Variants in TMEM91 observed in about 807,000 individuals in gnomAD.
TMEM91 encodes the protein dispanin subfamily C member 3.
In TMEM91, 6 loss-of-function variants were observed where a neutral mutation model predicts 13.3. The observed-to-expected ratio is 0.45, with a 90% CI of 0.25 to 0.89. The LOEUF (loss-of-function observed/expected upper bound fraction) is 0.89, where lower values mean the gene tolerates loss of function less well. TMEM91 is among the 40% of genes least tolerant of loss of function. The pLI is 0.19. For missense variants in TMEM91, 193 were observed against 228.7 expected (o/e 0.84, Z 1.01); for synonymous variants, 87 against 101.7 (o/e 0.86, Z 0.87).
chr19:41,378,338 A>T lies in TMEM91; in HGVS notation c.29A>T (p.Gln10Leu), dbSNP rs1159272133. 1 of 1,614,154 alleles carries T rather than the reference A, an allele frequency of 6.2e-7. No individual in the cohort carries two copies. The highest frequency in any genetic ancestry group is 8.5e-7 in the Non-Finnish European group (1 of 1,180,004). ...GACAGCCCTAGTCTTCGTGAGCTTC[A>T]ACAGCCTCTGCTGGAGGGCACAGAA... MDSPSLREL[Q>L]QPLLEGTECE... Residue 10 changes from glutamine (Q) to leucine (L), a missense_variant, in exon 2 of 4, where the codon CAA (glutamine) becomes CTA (leucine). Transcript: ENST00000392002.
At chr19:41,363,972 C>T (rs2038463985), upstream of TMEM91, 1 of 261,930 alleles carries the variant, frequency 3.8e-6, no homozygotes, top group Admixed American at 5.0e-5. Flanking sequence ...GCGCACTTAA[C>T]GGTTAGGAGA....
At chr19:41,383,364 T>C (rs991177696) in intron 3 of TMEM91, 7 of 607,352 alleles carry the variant, frequency 1.2e-5, no homozygotes, top group African/African-American at 1.9e-5. Flanking sequence ...CTCTGCAAGA[T>C]TTTGGGCAAG....
At chr19:41,373,899 A>G (rs2038663895), upstream of TMEM91, 1 of 151,618 alleles carries the variant, frequency 6.6e-6, no homozygotes, top group Non-Finnish European at 1.5e-5. Context: ...GCTGGTTTCG[A>G]ACTCCTAGGC....
chr19:41,367,345 C>T (rs748938172), intron 1 of TMEM91, among the ~76,000 whole-genome samples: 7 of 151,526 alleles, frequency 4.6e-5, no homozygotes, highest in Non-Finnish European at 1.0e-4. Flanking sequence ...TAAGATCTTG[C>T]TCTGGGGCTG....
intron 1 of TMEM91, among the ~76,000 whole-genome samples, chr19:41,369,638 C>G (rs750990865): frequency 7.2e-5 from 11 of 151,988 alleles, no homozygotes; most frequent in Non-Finnish European, 2.9e-5. Context: ...AACCCCATCC[C>G]TCCTAAAACT....
At chr19:41,369,545 C>T (rs2038581558) in intron 1 of TMEM91, among the ~76,000 whole-genome samples, 1 of 150,548 alleles carries the variant, frequency 6.6e-6, no homozygotes, top group Admixed American at 6.6e-5. Flanking sequence ...TGGCTCATGC[C>T]TGGATTCCCA....
At chr19:41,375,479 C>T (rs1315938325), upstream of TMEM91, among the ~76,000 whole-genome samples, 3 of 150,888 alleles carry the variant, frequency 2.0e-5, no homozygotes, top group African/African-American at 4.9e-5. Context: ...AGGGTTTCAC[C>T]GTGTCAGCCA....
At position 41,384,080 on chromosome 19, in the gene TMEM91, C is replaced by A; in HGVS notation, c.*207C>A. The A allele has an allele frequency of 2.2e-6, 2 of 925,280 alleles. No homozygotes were observed. Among genetic ancestry groups the A allele is most frequent in the Non-Finnish European group, 1.5e-6 (1 of 655,918 alleles). The allele number at this position is 925,280 out of a possible 1,614,324, so 57.3% of individuals were successfully genotyped here. A position where few individuals can be genotyped will look rare whatever the true frequency, so the allele number is the denominator to read the frequency against. On this transcript the variant is annotated 3_prime_UTR_variant, in exon 4 of 4. Coordinates refer to ENST00000392002, the MANE Select transcript of TMEM91 (RefSeq NM_001098821.2). Reference sequence around the variant, plus strand: ...ATTAAACACCAGACACCCTTGCAGCCAAACCAGAGTCTGTTCGCGTGTGTG... The same window carrying A: ...ATTAAACACCAGACACCCTTGCAGCAAAACCAGAGTCTGTTCGCGTGTGTG...
At chr19:41,378,177 C>CACT in intron 1 of TMEM91, 104 bp from the exon 2 acceptor site, 1 of 817,760 alleles carries the variant, frequency 1.2e-6, no homozygotes, top group Admixed American at 2.5e-5. Context: ...GTCTGAGGAC[C>CACT]ACTGCACTAA....
At chr19:41,365,898 A>T (rs2038517142) in intron 1 of TMEM91, among the ~76,000 whole-genome samples, 1 of 150,496 alleles carries the variant, frequency 6.6e-6, no homozygotes, top group South Asian at 2.1e-4. Context: ...TTTAGTAGAG[A>T]TGGAGTTCCA....
intron 1 of TMEM91, among the ~76,000 whole-genome samples, chr19:41,368,434 TG>T (rs1409927759): frequency 7.3e-6 from 1 of 137,668 alleles, no homozygotes; most frequent in African/African-American, 2.9e-5. Flanking sequence ...TTGGGGGGGG[TG>T]GTTATTGGGT....
chr19:41,369,757 G>A (rs554616902), intron 1 of TMEM91, among the ~76,000 whole-genome samples: 2 of 151,368 alleles, frequency 1.3e-5, no homozygotes, highest in South Asian at 2.1e-4. Flanking sequence ...GCAGTGAGCC[G>A]AGATTGCACC....
At chr19:41,378,620 A>C in intron 2 of TMEM91, 101 bp downstream of exon 2, 1 of 1,223,474 alleles carries the variant, frequency 8.2e-7, no homozygotes, top group Non-Finnish European at 1.1e-6. Flanking sequence ...GATCTGCCTT[A>C]GGCCTGGAGT....
chr19:41,364,033 C>T (rs116599193), upstream of TMEM91: 1,041 of 175,604 alleles, frequency 5.9e-3, 7 homozygotes, highest in African/African-American at 0.021. Flanking sequence ...TGCTTCTTTT[C>T]TCCGCGGGCG....
At chr19:41,378,239 T>C in intron 1 of TMEM91, 42 bp from the exon 2 acceptor site, 1 of 1,491,280 alleles carries the variant, frequency 6.7e-7, no homozygotes, top group Non-Finnish European at 9.2e-7. Flanking sequence ...TTGAGTGAAG[T>C]GAGACTTTTA....
chr19:41,382,674 C>G, intron 2 of TMEM91, 98 bp from the exon 3 acceptor site: 2 of 1,479,246 alleles, frequency 1.4e-6, no homozygotes. Context: ...TGGGGAAGCC[C>G]TAGGGGCAGG....
chr19:41,375,325 C>T (rs1050919495), upstream of TMEM91, among the ~76,000 whole-genome samples: 4 of 118,500 alleles, frequency 3.4e-5, no homozygotes, highest in Non-Finnish European at 4.9e-5. Flanking sequence ...GTTTCCCAGG[C>T]TGGAGTGCAG....
chr19:41,366,212 T>C (rs1212634189), intron 1 of TMEM91, among the ~76,000 whole-genome samples: 1 of 152,050 alleles, frequency 6.6e-6, no homozygotes, highest in African/African-American at 2.4e-5. Context: ...CTGGATGCTG[T>C]GTGGGTGAGG....
At chr19:41,375,273 CTTTTTTTTTTTT>C (rs906641411), upstream of TMEM91, among the ~76,000 whole-genome samples, 8 of 58,646 alleles carry the variant, frequency 1.4e-4, no homozygotes, top group Admixed American at 1.1e-3. Flanking sequence ...ATTTTCTTTT[CTTTTTTTTTTTT>C]TTTTTTTTTT....
Sources: allele counts gnomAD v4.1 joint callset (sites outside exome capture counted in the v4.1 genomes callset), GRCh38; gene constraint gnomAD v4.1.1; transcripts MANE v1.5; gene names NCBI Gene and HGNC (gene_info 2026-07-23, HGNC 2026-07-21).